The following SCEL variants were observed in gnomAD, a reference collection of about 807,000 sequenced individuals.
SCEL encodes sciellin.
A neutral mutation model predicts 117.6 loss-of-function variants in SCEL; 113 were observed. The observed-to-expected ratio is 0.96, with a 90% CI of 0.83 to 1.12. SCEL has a LOEUF of 1.12. SCEL is among the 50% of genes most tolerant of loss of function. The pLI is 0.00. For synonymous variants in SCEL, 270 were observed against 256.2 expected (o/e 1.05, Z -0.51); for missense variants, 785 against 810.8 (o/e 0.97, Z 0.39).
intron 28 of SCEL, among the ~76,000 whole-genome samples, chr13:77,631,004 G>T (rs970171185): frequency 1.3e-5 from 2 of 152,160 alleles, no homozygotes; most frequent in African/African-American, 4.8e-5. Context: ...AGAATCACCT[G>T]CTATTCTAGG....
chr13:77,591,468 G>A lies in SCEL; in HGVS notation c.692+8G>A, dbSNP rs748591189. Reference sequence around the variant, plus strand: ...TGCTGAAAGAAATATAAGGTACACTGATTTCTATTTATATCTATGTAACTG... The same window carrying A: ...TGCTGAAAGAAATATAAGGTACACTAATTTCTATTTATATCTATGTAACTG... On this transcript the variant is annotated splice_region_variant and intron_variant, in intron 11 of 32. Coordinates refer to ENST00000349847, the MANE Select transcript of SCEL (RefSeq NM_144777.3). The A allele has an allele frequency of 3.4e-6, 5 of 1,471,648 alleles. No individual in the cohort carries two copies. The Admixed American group carries it at 8.6e-5, about 25-fold the overall frequency. The allele number at this position is 1,471,648 out of a possible 1,614,324, so 91.2% of individuals were successfully genotyped here.
At chr13:77,622,425 G>A (rs755978411) in intron 27 of SCEL, among the ~76,000 whole-genome samples, 1 of 152,060 alleles carries the variant, frequency 6.6e-6, no homozygotes, top group Admixed American at 6.5e-5. Flanking sequence ...TCCTTCACCT[G>A]CTTTGTAAGA....
At chr13:77,556,934 G>A (rs1015053720) in intron 3 of SCEL, among the ~76,000 whole-genome samples, 3 of 152,196 alleles carry the variant, frequency 2.0e-5, no homozygotes, top group Admixed American at 6.5e-5. Context: ...GAGAGTGTGA[G>A]TCATTACTGA....
At chr13:77,566,173 T>C (rs966886745) in intron 5 of SCEL, among the ~76,000 whole-genome samples, 5 of 152,172 alleles carry the variant, frequency 3.3e-5, no homozygotes, top group Non-Finnish European at 7.3e-5. Flanking sequence ...TAACCTAATA[T>C]ATGAGTTTTG....
At chr13:77,572,028 A>C (rs1198694414) in intron 8 of SCEL, 96 bp from the exon 9 acceptor site, 1 of 1,006,810 alleles carries the variant, frequency 9.9e-7, no homozygotes, top group Non-Finnish European at 1.6e-6. Context: ...GTTTGGTATA[A>C]TCTCATTGTC....
intron 1 of SCEL, among the ~76,000 whole-genome samples, chr13:77,539,293 G>A (rs1266266195): frequency 6.6e-6 from 1 of 150,434 alleles, no homozygotes; most frequent in Non-Finnish European, 1.5e-5. Context: ...AATATACATA[G>A]CATATTACAT....
At chr13:77,600,478 A>T (rs903455131) in intron 15 of SCEL, among the ~76,000 whole-genome samples, 1 of 152,134 alleles carries the variant, frequency 6.6e-6, no homozygotes, top group Non-Finnish European at 1.5e-5. Flanking sequence ...TTGGAATCTT[A>T]GTTGGGTCAT....
At chr13:77,635,351 A>G (rs969944820) in intron 29 of SCEL, among the ~76,000 whole-genome samples, 5 of 152,230 alleles carry the variant, frequency 3.3e-5, no homozygotes, top group African/African-American at 1.2e-4. Context: ...ATTTTAAAAC[A>G]CTAAGGAGTT....
At chr13:77,640,634 G>A (rs1269440080) in intron 30 of SCEL, 42 bp from the exon 31 acceptor site, 1 of 1,067,934 alleles carries the variant, frequency 9.4e-7, no homozygotes, top group Non-Finnish European at 1.4e-6. Flanking sequence ...TCTGTCTTCT[G>A]TATTATGGCA....
rs139263630 is a variant in SCEL, at chr13:77,542,399, CAACA to C, written c.-20+6595_-20+6598del. On this transcript the variant is annotated intron_variant, in intron 1 of 32. Transcript: ENST00000349847. The stretch of plus-strand genomic sequence containing the variant: ...TGGGCTACAGAGCAAGATTCCGTCT[CAACA>C]AACAAACAAACAAACAAACCCCAGA... Among the ~76,000 whole-genome samples, 523 of 151,868 alleles carry C rather than the reference CAACA, an allele frequency of 3.4e-3. 2 individuals are homozygous for C. Among genetic ancestry groups the C allele is most frequent in the Non-Finnish European group, 5.4e-3 (370 of 67,898 alleles).
intron 27 of SCEL, among the ~76,000 whole-genome samples, chr13:77,626,220 T>C (rs1454965225): frequency 3.3e-5 from 5 of 152,076 alleles, no homozygotes; most frequent in African/African-American, 1.2e-4. Context: ...TATAAAACCA[T>C]CAGATCTCTT....
intron 1 of SCEL, among the ~76,000 whole-genome samples, chr13:77,555,211 A>G (rs1025620353): frequency 3.3e-5 from 5 of 152,164 alleles, no homozygotes; most frequent in Admixed American, 6.5e-5. Flanking sequence ...GGGGAACTGG[A>G]TCAGTCCTGG....
chr13:77,575,569 A>G (rs1411495236), intron 9 of SCEL, among the ~76,000 whole-genome samples: 1 of 152,232 alleles, frequency 6.6e-6, no homozygotes, highest in Non-Finnish European at 1.5e-5. Context: ...GACCTGGGTG[A>G]TCAAACAAAA....
intron 19 of SCEL, among the ~76,000 whole-genome samples, chr13:77,605,440 GGTA>G (rs952252675): frequency 2.6e-5 from 4 of 152,146 alleles, no homozygotes; most frequent in Admixed American, 6.5e-5. Flanking sequence ...GGTTCAGGGA[GGTA>G]ACCTGAGGTA....
At chr13:77,553,678 C>A (rs560406676) in intron 1 of SCEL, among the ~76,000 whole-genome samples, 1 of 152,130 alleles carries the variant, frequency 6.6e-6, no homozygotes, top group South Asian at 2.1e-4. Flanking sequence ...CATCCCTTCC[C>A]ACATCCAACC....
intron 1 of SCEL, among the ~76,000 whole-genome samples, chr13:77,552,928 G>A (rs1429182552): frequency 6.6e-6 from 1 of 152,102 alleles, no homozygotes; most frequent in Non-Finnish European, 1.5e-5. Flanking sequence ...TCTACATATG[G>A]CTAGCCAGTT....
At chr13:77,637,413 A>AATAT (rs3039404) in intron 30 of SCEL, among the ~76,000 whole-genome samples, 3 of 109,006 alleles carry the variant, frequency 2.8e-5, no homozygotes, top group Admixed American at 9.6e-5. Context: ...TATATAAATA[A>AATAT]ATATATATAT....
At chr13:77,626,285 A>G (rs188609686) in intron 27 of SCEL, among the ~76,000 whole-genome samples, 90 of 152,154 alleles carry the variant, frequency 5.9e-4, no homozygotes, top group African/African-American at 2.1e-3. Flanking sequence ...CCATGATTCA[A>G]TTATCTACAC....
chr13:77,622,626 C>T (rs1023529574), intron 27 of SCEL, among the ~76,000 whole-genome samples: 1 of 152,096 alleles, frequency 6.6e-6, no homozygotes, highest in African/African-American at 2.4e-5. Flanking sequence ...CTTTGGGAGG[C>T]TGAGGTGAGA....
Sources: allele counts gnomAD v4.1 joint callset (sites outside exome capture counted in the v4.1 genomes callset), GRCh38; gene constraint gnomAD v4.1.1; transcripts MANE v1.5; gene names NCBI Gene and HGNC (gene_info 2026-07-23, HGNC 2026-07-21).